The following SPIN1 variants were observed in gnomAD, a reference collection of about 807,000 sequenced individuals.
SPIN1 encodes spindlin 1.
In SPIN1, 3 loss-of-function variants were observed where a neutral mutation model predicts 26.0. That is an observed-to-expected ratio of 0.12 (90% CI 0.05 to 0.30). The LOEUF is 0.30. Ranked by LOEUF, SPIN1 falls within the 10% of genes least tolerant of loss-of-function variation. SPIN1 has a pLI of 1.00. For synonymous variants in SPIN1, 101 were observed against 116.5 expected, an observed-to-expected ratio of 0.87 and a Z score of 0.86; for missense variants, 126 against 333.4, an observed-to-expected ratio of 0.38 and a Z score of 4.84.
Position 88,426,386 on chromosome 9 carries a change from C to T in SPIN1, c.-154C>T. 1 of 580,236 alleles carries T rather than the reference C, an allele frequency of 1.7e-6. No individual in the cohort carries two copies. Among genetic ancestry groups the T allele is most frequent in the Non-Finnish European group, 3.1e-6 (1 of 319,024 alleles). 35.9% of individuals were successfully genotyped at this position (580,236 alleles called of 1,614,324 possible). A position where few individuals can be genotyped will look rare whatever the true frequency, so the allele number is the denominator to read the frequency against. ...AACTGTTTCACTATTTTACAGAGTG[C>T]TTGTGATTTCACGTATTTTTGCTGA... On this transcript the variant is annotated 5_prime_UTR_variant, in exon 2 of 6. Transcript: ENST00000375859.
chr9:88,440,927 AC>A (rs1183987803), intron 2 of SPIN1, among the ~76,000 whole-genome samples: 1 of 149,084 alleles, frequency 6.7e-6, no homozygotes. Flanking sequence ...GTGTTTTCTT[AC>A]AAAAAACAAA....
At chr9:88,426,805 A>G (rs1216187699) in intron 2 of SPIN1, among the ~76,000 whole-genome samples, 3 of 152,234 alleles carry the variant, frequency 2.0e-5, no homozygotes, top group Non-Finnish European at 4.4e-5. Context: ...AGCAGGTTAT[A>G]AATGTCTAGT....
chr9:88,407,136 A>T (rs1170834479), intron 1 of SPIN1, among the ~76,000 whole-genome samples: 1 of 65,910 alleles, frequency 1.5e-5, no homozygotes, highest in South Asian at 5.0e-4. Flanking sequence ...ATCTTCCTTT[A>T]AAAAAAAAAA....
chr9:88,454,153 C>T (rs1828421463), intron 3 of SPIN1, among the ~76,000 whole-genome samples: 1 of 152,102 alleles, frequency 6.6e-6, no homozygotes, highest in African/African-American at 2.4e-5. Flanking sequence ...ATTTGTTTTA[C>T]AGTATTGCTC....
intron 2 of SPIN1, among the ~76,000 whole-genome samples, chr9:88,441,774 A>G (rs1349893239): frequency 2.0e-5 from 3 of 149,134 alleles, no homozygotes; most frequent in Non-Finnish European, 4.4e-5. Context: ...ATAAATAAAT[A>G]AAAGTTTTTA....
chr9:88,434,256 T>G (rs976720175), intron 2 of SPIN1, among the ~76,000 whole-genome samples: 1 of 151,998 alleles, frequency 6.6e-6, no homozygotes, highest in Non-Finnish European at 1.5e-5. Flanking sequence ...CTCTTGCATA[T>G]TATGGTTTAG....
intron 1 of SPIN1, among the ~76,000 whole-genome samples, chr9:88,422,830 C>G (rs928959134): frequency 6.6e-6 from 1 of 152,006 alleles, no homozygotes; most frequent in Non-Finnish European, 1.5e-5. Flanking sequence ...CTGCCTCAGC[C>G]TCTGGAGTAG....
intron 1 of SPIN1, among the ~76,000 whole-genome samples, chr9:88,404,028 T>C (rs1003770831): frequency 3.3e-5 from 5 of 152,186 alleles, no homozygotes; most frequent in East Asian, 3.9e-4. Context: ...GCTCCTAGGC[T>C]GCAAACCTGT....
chr9:88,461,195 C>T (rs1244786295), intron 3 of SPIN1, among the ~76,000 whole-genome samples: 1 of 152,174 alleles, frequency 6.6e-6, no homozygotes, highest in African/African-American at 2.4e-5. Context: ...GTGGTCCTGT[C>T]CTGGTCAGTA....
chr9:88,428,897 A>C (rs2118033648), intron 2 of SPIN1, among the ~76,000 whole-genome samples: 1 of 152,292 alleles, frequency 6.6e-6, no homozygotes, highest in East Asian at 1.9e-4. Context: ...TTTTAAAGAG[A>C]CAGAGTTCCT....
chr9:88,466,007 A>T (rs1828660597), intron 4 of SPIN1, among the ~76,000 whole-genome samples: 1 of 152,210 alleles, frequency 6.6e-6, no homozygotes, highest in Non-Finnish European at 1.5e-5. Context: ...TTTGATAGGA[A>T]ATAGTTATTT....
chr9:88,463,146 G>A (rs1828603090), intron 4 of SPIN1, among the ~76,000 whole-genome samples: 2 of 152,078 alleles, frequency 1.3e-5, no homozygotes, highest in Non-Finnish European at 2.9e-5. Flanking sequence ...GTGTATCTTT[G>A]TGTACAACGT....
At position 88,427,369 on chromosome 9, in the gene SPIN1, A is replaced by T. The variant is rs141861399; in HGVS notation, c.52+778A>T. Among the ~76,000 whole-genome samples the T allele has an allele frequency of 2.4e-4, 36 of 152,324 alleles. No homozygotes were observed. The East Asian group carries it at 5.2e-3, about 22-fold the overall frequency. The stretch of plus-strand genomic sequence containing the variant: ...AAAAACCACAAGAATTAAGATTTCT[A>T]AGTACCCTTTATCTTTATTTTAGCT... On this transcript the variant is annotated intron_variant, in intron 2 of 5. Transcript: ENST00000375859.
intron 1 of SPIN1, among the ~76,000 whole-genome samples, chr9:88,409,943 G>C (rs1827401332): frequency 1.3e-5 from 2 of 152,010 alleles, no homozygotes; most frequent in South Asian, 4.1e-4. Context: ...GAAGGGAGGT[G>C]AGTTTACCAG....
At chr9:88,447,791 A>G (rs1046164116) in intron 2 of SPIN1, among the ~76,000 whole-genome samples, 2 of 152,122 alleles carry the variant, frequency 1.3e-5, no homozygotes, top group African/African-American at 4.8e-5. Context: ...AACATGGTAA[A>G]AGGGTGGTGT....
intron 3 of SPIN1, among the ~76,000 whole-genome samples, chr9:88,452,107 T>C (rs1469461653): frequency 6.6e-6 from 1 of 152,178 alleles, no homozygotes; most frequent in African/African-American, 2.4e-5. Flanking sequence ...GGGATTTCTT[T>C]CCTCCCATTT....
rs1472733231 is a variant in SPIN1, at chr9:88,477,403, A to C, written c.*2126A>C. The C allele has an allele frequency of 6.6e-6, 1 of 152,244 alleles. No individual in the cohort carries two copies. Among genetic ancestry groups the C allele is most frequent in the Non-Finnish European group, 1.5e-5 (1 of 68,048 alleles). 9.4% of individuals were successfully genotyped at this position (152,244 alleles called of 1,614,324 possible). ...ATGACTTGCATTGTGGTTTTTCTGCAAGCAACTTTAATGACTTTTTTTATA... is the reference window on the plus strand; with the variant it reads ...ATGACTTGCATTGTGGTTTTTCTGCCAGCAACTTTAATGACTTTTTTTATA... On this transcript the variant is annotated 3_prime_UTR_variant, in exon 6 of 6. Coordinates refer to ENST00000375859, the MANE Select transcript of SPIN1 (RefSeq NM_006717.3).
At chr9:88,434,330 C>T (rs12337367) in intron 2 of SPIN1, among the ~76,000 whole-genome samples, 769 of 143,934 alleles carry the variant, frequency 5.3e-3, no homozygotes, top group Non-Finnish European at 9.2e-3. Context: ...AATTATTTTA[C>T]AAATTATAAA....
chr9:88,397,317 GACTAATT>G (rs1564021061), intron 1 of SPIN1, among the ~76,000 whole-genome samples: 2 of 152,170 alleles, frequency 1.3e-5, no homozygotes, highest in African/African-American at 4.8e-5. Context: ...GGTGGTGCAT[GACTAATT>G]ACTTTTGGGC....
Sources: gnomAD v4.1 joint callset for allele counts (sites outside exome capture counted in the v4.1 genomes callset) on GRCh38, gnomAD v4.1.1 for gene constraint, MANE v1.5 for transcripts, NCBI Gene and HGNC (gene_info 2026-07-23, HGNC 2026-07-21) for gene names.